The following TRIM15 variants were observed in gnomAD, a reference collection of about 807,000 sequenced individuals.
TRIM15 encodes the protein E3 ubiquitin-protein ligase TRIM15.
In TRIM15, 35 loss-of-function variants were observed where a neutral mutation model predicts 35.8. The ratio of observed to expected loss-of-function variants is 0.98; its 90% CI spans 0.75 to 1.30. TRIM15 has a LOEUF of 1.30. TRIM15 is among the 50% of genes most tolerant of loss of function. TRIM15 has a pLI of 0.00. For synonymous variants in TRIM15, 252 were observed against 249.8 expected (o/e 1.01, Z -0.08); for missense variants, 590 against 593.5 (o/e 0.99, Z 0.06).
Position 30,170,622 on chromosome 6 carries a change from G to C in TRIM15, c.847+6G>C. 6.2e-7 allele frequency: 1 copy of C among 1,608,414 alleles called. No individual in the cohort carries two copies. The highest frequency in any genetic ancestry group is 1.1e-5 in the South Asian group (1 of 90,830). ...GATGATGAGGATGTTCTCAGGTAAAGGGGAAGGCGCCACAGTTTTCCCCAG... is the reference window on the plus strand; with the variant it reads ...GATGATGAGGATGTTCTCAGGTAAACGGGAAGGCGCCACAGTTTTCCCCAG... On this transcript the variant is annotated splice_donor_region_variant and intron_variant, in intron 5 of 6. Transcript: ENST00000376694.
rs1430117100 is a variant in TRIM15, at chr6:30,170,602, T to C, written c.833T>C (p.Met278Thr). ...AAAATACTCACCCTCCCAGAGATGA[T>C]GAGGATGTTCTCAGGTAAAGGGGAA... ...HRKILTLPEM[M>T]RMFSENLAHH... Residue 278 changes from methionine to threonine, a missense_variant, in exon 5 of 7, where the codon ATG (methionine) becomes ACG (threonine). Transcript: ENST00000376694. The C allele has an allele frequency of 1.9e-6, 3 of 1,613,808 alleles. No individual in the cohort carries two copies. Among genetic ancestry groups the C allele is most frequent in the Middle Eastern group, 1.7e-4 (1 of 6,060 alleles).
chr6:30,164,571 T>C (rs562565293), intron 1 of TRIM15, among the ~76,000 whole-genome samples: 1 of 152,282 alleles, frequency 6.6e-6, no homozygotes, highest in Non-Finnish European at 1.5e-5. Flanking sequence ...GGCACTTTCC[T>C]GTCAGCCTCT....
Position 30,163,816 on chromosome 6 carries a change from CCAGATGGGGGCCCAATCCTCGGG to C in TRIM15, c.135_157del (p.Met46AspfsTer90). ...GCCGGCTCTGCCTCCCCGCGCTCTC[CCAGATGGGGGCCCAATCCTCGGG>C]CAAGATCCTGCTCTGCCCGCTCTGC... On this transcript the variant is annotated frameshift_variant, in exon 1 of 7. Coordinates refer to ENST00000376694, the MANE Select transcript of TRIM15 (RefSeq NM_033229.3). LOFTEE classifies it high-confidence loss of function. 6.2e-7 allele frequency: 1 copy of C among 1,613,060 alleles called. No homozygotes were observed. Among genetic ancestry groups the C allele is most frequent in the Non-Finnish European group, 8.5e-7 (1 of 1,180,034 alleles).
chr6:30,163,957 C>T lies in TRIM15; in HGVS notation c.273C>T (p.Tyr91=), dbSNP rs1236786196. ...GCGAGGAGCACGGCGAGAAGATCTA[C>T]TTCTTCTGCGAGAACGATGCCGAGT... ...TYCEEHGEKI[Y]FFCENDAEFL... is the part of the protein sequence containing the mutation. The change falls in exon 1 of 7, where the codon TAC becomes TAT. Residue 91 remains tyrosine, a synonymous_variant. Coordinates refer to ENST00000376694, the MANE Select transcript of TRIM15 (RefSeq NM_033229.3). The T allele has an allele frequency of 5.6e-6, 9 of 1,612,876 alleles. No individual in the cohort carries two copies. The Admixed American group carries it at 1.5e-4, about 27-fold the overall frequency.
At chr6:30,168,950 T>C (rs1773816861) in intron 3 of TRIM15, among the ~76,000 whole-genome samples, 1 of 152,200 alleles carries the variant, frequency 6.6e-6, no homozygotes, top group Non-Finnish European at 1.5e-5. Context: ...GTCCAGCTGA[T>C]AACTGAAGGC....
intron 1 of TRIM15, among the ~76,000 whole-genome samples, chr6:30,164,389 A>T (rs1773431676): frequency 6.6e-6 from 1 of 152,130 alleles, no homozygotes; most frequent in South Asian, 2.1e-4. Context: ...TGGGCAGGGT[A>T]AACTTGTTCT....
chr6:30,167,164 T>G lies in TRIM15; in HGVS notation c.382-12T>G. 2 of 1,609,444 alleles carry G rather than the reference T, an allele frequency of 1.2e-6. No individual in the cohort carries two copies. Among genetic ancestry groups the G allele is most frequent in the South Asian group, 2.2e-5 (2 of 90,962 alleles). ...TTCAGTCACCTCTATCCACCCATTCTTCTCCCCACAGGATCGTCTCAGGAG... is the reference window on the plus strand; with the variant it reads ...TTCAGTCACCTCTATCCACCCATTCGTCTCCCCACAGGATCGTCTCAGGAG... On this transcript the variant is annotated splice_polypyrimidine_tract_variant and intron_variant, in intron 1 of 6. Transcript: ENST00000376694.
chr6:30,165,029 C>G (rs779860758), intron 1 of TRIM15, among the ~76,000 whole-genome samples: 3 of 152,062 alleles, frequency 2.0e-5, no homozygotes, highest in Non-Finnish European at 4.4e-5. Flanking sequence ...TAGTCTCTTC[C>G]TCCTAGAATA....
intron 1 of TRIM15, 133 bp from the exon 2 acceptor site, chr6:30,167,043 T>C: frequency 5.8e-6 from 4 of 684,950 alleles, no homozygotes; most frequent in Non-Finnish European, 1.0e-5. Flanking sequence ...GTGGTCTCTT[T>C]AGGGCAAGGA....
chr6:30,169,514 C>A, intron 4 of TRIM15: 1 of 696,794 alleles, frequency 1.4e-6, no homozygotes, highest in Non-Finnish European at 2.6e-6. Context: ...AAATAATAAT[C>A]ATGTTTTTAG....
chr6:30,168,290 T>C lies in TRIM15; in HGVS notation c.478-10T>C. ...CCTTCCTAACCATGTCTGCCTTTTA[T>C]CCCTTGAAGACTCAGATCGAAAGCA... On this transcript the variant is annotated splice_polypyrimidine_tract_variant and intron_variant, in intron 2 of 6. Coordinates refer to ENST00000376694, the MANE Select transcript of TRIM15 (RefSeq NM_033229.3). The C allele has an allele frequency of 6.2e-7, 1 of 1,610,108 alleles. No homozygotes were observed. Among genetic ancestry groups the C allele is most frequent in the South Asian group, 1.1e-5 (1 of 90,852 alleles).
intron 1 of TRIM15, 77 bp downstream of exon 1, chr6:30,164,142 G>T: frequency 6.5e-7 from 1 of 1,530,404 alleles, no homozygotes; most frequent in Non-Finnish European, 8.8e-7. Context: ...ATCGGGCGGG[G>T]ATCTGGATGA....
intron 1 of TRIM15, among the ~76,000 whole-genome samples, 163 bp from the exon 2 acceptor site, chr6:30,167,013 A>T (rs973087997): frequency 6.6e-6 from 1 of 152,164 alleles, no homozygotes; most frequent in Non-Finnish European, 1.5e-5. Context: ...ATCACTTGAC[A>T]TTGACTTCTT....
rs1490442101 is a variant in TRIM15, at chr6:30,172,250, C to T, written c.1299C>T (p.Thr433=). ...AGQVTLHNAQ[T]QEPIFTFTAS... ...AGGTGACCCTCCACAACGCCCAGAC[C>T]CAGGAGCCCATCTTCACCTTCACTG... The change falls in exon 7 of 7, where the codon ACC becomes ACT. Residue 433 remains threonine (T), a synonymous_variant. Transcript: ENST00000376694. 3 of 1,612,808 alleles carry T rather than the reference C, an allele frequency of 1.9e-6. No individual in the cohort carries two copies. Among genetic ancestry groups the T allele is most frequent in the Non-Finnish European group, 2.5e-6 (3 of 1,179,928 alleles).
intron 4 of TRIM15, 61 bp from the exon 5 acceptor site, chr6:30,170,440 G>T: frequency 9.4e-7 from 1 of 1,064,148 alleles, no homozygotes; most frequent in Non-Finnish European, 1.4e-6. Flanking sequence ...GCCTCACGTG[G>T]TCTCACCCGA....
intron 2 of TRIM15, 135 bp from the exon 3 acceptor site, chr6:30,168,165 G>T (rs1460857615): frequency 9.8e-6 from 7 of 711,046 alleles, no homozygotes; most frequent in Non-Finnish European, 1.6e-5. Flanking sequence ...CTACTTCTAG[G>T]CATATTAGTA....
In TRIM15 at chr6:30,163,711, G is replaced by A. The variant is rs574241267; in HGVS notation, c.27G>A (p.Val9=). The A allele has an allele frequency of 6.2e-6, 10 of 1,611,568 alleles. No individual in the cohort carries two copies. Among genetic ancestry groups the A allele is most frequent in the South Asian group, 5.5e-5 (5 of 90,920 alleles). Residue 9 remains valine (V), a synonymous_variant, in exon 1 of 7, where the codon GTG becomes GTA. Coordinates refer to ENST00000376694, the MANE Select transcript of TRIM15 (RefSeq NM_033229.3). MPATPSLK[V]VHELPACTLC... is the part of the protein sequence containing the mutation. The stretch of plus-strand genomic sequence containing the variant: ...TGCCCGCAACCCCGTCCCTGAAGGT[G>A]GTCCATGAGCTGCCTGCCTGTACCC...
rs1405136943 is a variant in TRIM15 at position 30,164,188 on chromosome 6, G to A, written c.381+123G>A. ...CATCAGGGAACCCTAAGGTTACAGG[G>A]ACTTTCGAGGCATTCCCAGACTGAA... On this transcript the variant is annotated intron_variant, in intron 1 of 6. Coordinates refer to ENST00000376694, the MANE Select transcript of TRIM15 (RefSeq NM_033229.3). The A allele has an allele frequency of 2.9e-6, 4 of 1,371,510 alleles. No homozygotes were observed. In the African/African-American group the frequency reaches 4.4e-5, roughly 15 times the overall value. The allele number at this position is 1,371,510 out of a possible 1,614,324, so 85.0% of individuals were successfully genotyped here.
At chr6:30,170,268 G>T in intron 4 of TRIM15, 1 of 512,984 alleles carries the variant, frequency 1.9e-6, no homozygotes, top group Non-Finnish European at 3.5e-6. Flanking sequence ...TCCTAAAGGG[G>T]CTTACCTCCA....
Sources: allele counts gnomAD v4.1 joint callset (sites outside exome capture counted in the v4.1 genomes callset), GRCh38; gene constraint gnomAD v4.1.1; transcripts MANE v1.5; gene names NCBI Gene and HGNC (gene_info 2026-07-23, HGNC 2026-07-21).